Variants in GLIPR1L1 observed in about 807,000 individuals in gnomAD.
GLIPR1L1 encodes the protein GLIPR1-like protein 1.
GLIPR1L1 carries 26 observed loss-of-function variants against 29.9 expected under a neutral mutation model. The ratio of observed to expected loss-of-function variants is 0.87; its 90% CI spans 0.64 to 1.21. GLIPR1L1 has a LOEUF of 1.21. GLIPR1L1 is among the 50% of genes most tolerant of loss of function. The pLI is 0.00. For missense variants in GLIPR1L1, 305 were observed against 290.3 expected (o/e 1.05, Z -0.37); for synonymous variants, 77 against 97.5 (o/e 0.79, Z 1.24).
intron 2 of GLIPR1L1, among the ~76,000 whole-genome samples, chr12:75,344,238 G>A (rs1366435069): frequency 6.6e-6 from 1 of 152,078 alleles, no homozygotes; most frequent in Non-Finnish European, 1.5e-5. Flanking sequence ...TTCCCTGGAA[G>A]TGGGAAGTTC....
At chr12:75,340,029 A>C (rs1296615205) in intron 1 of GLIPR1L1, among the ~76,000 whole-genome samples, 2 of 152,030 alleles carry the variant, frequency 1.3e-5, no homozygotes, top group Admixed American at 6.6e-5. Context: ...GAGTTACTTC[A>C]ATTAGAATAA....
chr12:75,369,627 A>T (rs1046646542), intron 4 of GLIPR1L1: 1 of 984,428 alleles, frequency 1.0e-6, no homozygotes, highest in Non-Finnish European at 1.2e-6. Context: ...AAAATTCAAC[A>T]TGAAGAAATT....
intron 1 of GLIPR1L1, among the ~76,000 whole-genome samples, chr12:75,342,545 G>A (rs2042188749): frequency 6.6e-6 from 1 of 152,124 alleles, no homozygotes; most frequent in African/African-American, 2.4e-5. Context: ...CTGTTCCATT[G>A]AGCTATTTGT....
chr12:75,337,107 G>A (rs1176638748), intron 1 of GLIPR1L1, among the ~76,000 whole-genome samples: 2 of 151,776 alleles, frequency 1.3e-5, no homozygotes, highest in African/African-American at 4.8e-5. Flanking sequence ...AGCAAAAGAA[G>A]TGTTTGGAAG....
At chr12:75,368,143 T>TA (rs1237232162) in intron 4 of GLIPR1L1, among the ~76,000 whole-genome samples, 1 of 152,108 alleles carries the variant, frequency 6.6e-6, no homozygotes, top group African/African-American at 2.4e-5. Context: ...TAGCAGGAGT[T>TA]AAGTGATGCC....
At chr12:75,347,456 T>C (rs1209676489) in intron 2 of GLIPR1L1, among the ~76,000 whole-genome samples, 166 bp from the exon 3 acceptor site, 2 of 152,020 alleles carry the variant, frequency 1.3e-5, no homozygotes, top group African/African-American at 4.8e-5. Context: ...GCCATGACAA[T>C]ATAAGAATTT....
chr12:75,335,271 T>C (rs2041647749), intron 1 of GLIPR1L1, among the ~76,000 whole-genome samples: 1 of 152,136 alleles, frequency 6.6e-6, no homozygotes, highest in African/African-American at 2.4e-5. Context: ...ACCAAAGAAA[T>C]AGCCCAGGAA....
In GLIPR1L1 at chr12:75,370,271, T is replaced by A. The variant is rs1040712214; in HGVS notation, c.*95T>A. 3 of 665,684 alleles carry A rather than the reference T, an allele frequency of 4.5e-6. No homozygotes were observed. The highest frequency in any genetic ancestry group is 3.2e-4 in the Middle Eastern group (1 of 3,158). The allele number at this position is 665,684 out of a possible 1,614,324, so 41.2% of individuals were successfully genotyped here. On this transcript the variant is annotated 3_prime_UTR_variant, in exon 6 of 6. Transcript: ENST00000378695. Reference sequence around the variant, plus strand: ...ATCATCACTTTGCTTCTTTACTGAATCTTCTACACTCTTGCCTGATACCTA... The same window carrying A: ...ATCATCACTTTGCTTCTTTACTGAAACTTCTACACTCTTGCCTGATACCTA...
chr12:75,369,622 T>C, intron 4 of GLIPR1L1: 1 of 984,866 alleles, frequency 1.0e-6, no homozygotes, highest in Non-Finnish European at 1.2e-6. Context: ...TACAAAAAAT[T>C]CAACATGAAG....
intron 3 of GLIPR1L1, among the ~76,000 whole-genome samples, chr12:75,349,994 C>A (rs372685196): frequency 2.6e-5 from 4 of 152,194 alleles, no homozygotes; most frequent in African/African-American, 9.7e-5. Context: ...GACCGGGTCC[C>A]GGGAGGGAGG....
chr12:75,342,169 C>A (rs1036018247), intron 1 of GLIPR1L1, among the ~76,000 whole-genome samples: 1 of 152,252 alleles, frequency 6.6e-6, no homozygotes, highest in African/African-American at 2.4e-5. Flanking sequence ...ATGAAGGATC[C>A]TTGTGGTGTT....
chr12:75,335,033 T>G lies in GLIPR1L1; in HGVS notation c.174+131T>G, dbSNP rs942974490. On this transcript the variant is annotated intron_variant, in intron 1 of 5. Coordinates refer to ENST00000378695, the MANE Select transcript of GLIPR1L1 (RefSeq NM_001304964.2). The stretch of plus-strand genomic sequence containing the variant: ...ATATATGCAGTTAAAAAGAAAAAAA[T>G]TCACACCTTGGTTGGGCTGTCTCCT... 6.1e-6 allele frequency: 5 copies of G among 819,512 alleles called. No homozygotes were observed. The Admixed American group carries it at 1.2e-4, about 20-fold the overall frequency. 50.8% of individuals were successfully genotyped at this position (819,512 alleles called of 1,614,324 possible).
intron 2 of GLIPR1L1, among the ~76,000 whole-genome samples, chr12:75,344,592 G>T (rs1217582832): frequency 1.3e-5 from 2 of 151,864 alleles, no homozygotes; most frequent in Non-Finnish European, 2.9e-5. Flanking sequence ...ATCTATGTTA[G>T]CTCTGTGTTA....
chr12:75,337,320 C>A (rs1188206046), intron 1 of GLIPR1L1, among the ~76,000 whole-genome samples: 2 of 151,246 alleles, frequency 1.3e-5, no homozygotes, highest in Non-Finnish European at 3.0e-5. Context: ...TGGTTTAAAA[C>A]TATATATTAA....
intron 3 of GLIPR1L1, among the ~76,000 whole-genome samples, chr12:75,361,961 G>A (rs746385770): frequency 5.3e-5 from 8 of 151,954 alleles, no homozygotes; most frequent in Non-Finnish European, 1.2e-4. Context: ...AAACCTCTAC[G>A]ACCTTTAGAT....
intron 3 of GLIPR1L1, among the ~76,000 whole-genome samples, chr12:75,358,713 C>CATATATATATTATATATATGGTTTAA (rs1303983620): frequency 1.4e-5 from 2 of 141,588 alleles, no homozygotes; most frequent in African/African-American, 2.6e-5. Flanking sequence ...TTTTTTAAAC[C>CATATATATATTATATATATGGTTTAA]ATATATATAA....
chr12:75,363,315 G>A (rs1008109497), intron 4 of GLIPR1L1, 125 bp downstream of exon 4: 23 of 411,674 alleles, frequency 5.6e-5, no homozygotes, highest in Middle Eastern at 6.5e-4. Context: ...GTTATCTTAC[G>A]ATATAAATCA....
chr12:75,349,731 A>G (rs1160318307), intron 3 of GLIPR1L1, among the ~76,000 whole-genome samples: 1 of 152,212 alleles, frequency 6.6e-6, no homozygotes, highest in Admixed American at 6.5e-5. Context: ...AAATCATAAC[A>G]TTAGAAATTA....
chr12:75,369,609 G>A lies in GLIPR1L1; in HGVS notation c.611-351G>A, dbSNP rs138841470. On this transcript the variant is annotated intron_variant, in intron 4 of 5. Transcript: ENST00000378695. ...ATGAATGAGATTGTTAATGAGTTCT[G>A]CATACAAAAAATTCAACATGAAGAA... 4.2e-4 allele frequency: 416 copies of A among 984,762 alleles called. 3 individuals are homozygous for A. The African/African-American group carries it at 5.7e-3, about 14-fold the overall frequency. 61.0% of individuals were successfully genotyped at this position (984,762 alleles called of 1,614,324 possible). A position where few individuals can be genotyped will look rare whatever the true frequency, so the allele number is the denominator to read the frequency against.
Sources: allele counts gnomAD v4.1 joint callset (sites outside exome capture counted in the v4.1 genomes callset), GRCh38; gene constraint gnomAD v4.1.1; transcripts MANE v1.5; gene names NCBI Gene and HGNC (gene_info 2026-07-23, HGNC 2026-07-21).